SLFN5: variants seen among roughly 807,000 people sequenced by gnomAD.
SLFN5 encodes the protein schlafen family member 5.
SLFN5 carries 34 observed loss-of-function variants against 48.5 expected under a neutral mutation model. That is an observed-to-expected ratio of 0.70 (90% confidence interval 0.53 to 0.93). SLFN5 has a LOEUF of 0.93. Among genes scored for constraint, SLFN5 ranks in the 40% least tolerant of loss-of-function variants. The pLI is 0.00. For synonymous variants in SLFN5, 387 were observed against 396.2 expected (o/e 0.98, Z 0.28); for missense variants, 1,006 against 1,071.3 (o/e 0.94, Z 0.85).
rs1358137166 is a variant in SLFN5 at position 35,267,527 on chromosome 17, A to G, written c.*1639A>G. ...AGCAATATAGTGAGACCCTGTCTCT[A>G]CAAAAACAAACAAACAAACAAACAA... On this transcript the variant is annotated 3_prime_UTR_variant, in exon 5 of 5. Coordinates refer to ENST00000299977, the MANE Select transcript of SLFN5 (RefSeq NM_144975.4). 1 of 152,068 alleles carries G rather than the reference A, an allele frequency of 6.6e-6. No individual in the cohort carries two copies. Among genetic ancestry groups the G allele is most frequent in the Non-Finnish European group, 1.5e-5 (1 of 68,062 alleles). The allele number at this position is 152,068 out of a possible 1,614,324, so 9.4% of individuals were successfully genotyped here.
At chr17:35,246,331 G>A (rs1179104947) in intron 1 of SLFN5, among the ~76,000 whole-genome samples, 1 of 151,926 alleles carries the variant, frequency 6.6e-6, no homozygotes, top group Non-Finnish European at 1.5e-5. Flanking sequence ...GAGTACTTGT[G>A]CCTGACGTGC....
rs778216945 is a variant in SLFN5 at position 35,264,777 on chromosome 17, G to A, written c.1733G>A (p.Gly578Asp). ...AAGACCAGAGAGTTGTTTGTTCATG[G>A]CTTACCTGGATCAGGGAAGACTATC... Reference protein sequence around the residue: ...LRKTRELFVHGLPGSGKTILA... With the variant: ...LRKTRELFVHDLPGSGKTILA... The change falls in exon 4 of 5, where the codon GGC becomes GAC. Residue 578 changes from glycine to aspartate, a missense_variant. Coordinates refer to ENST00000299977, the MANE Select transcript of SLFN5 (RefSeq NM_144975.4). 8 of 1,597,482 alleles carry A rather than the reference G, an allele frequency of 5.0e-6. No homozygotes were observed. The highest frequency in any genetic ancestry group is 3.3e-4 in the Middle Eastern group (2 of 5,978).
At position 35,257,967 on chromosome 17, in the gene SLFN5, C is replaced by G. The variant is rs144301273; in HGVS notation, c.-40-684C>G. ...AAAGCTTTCTCATTGCTTTCCAGCT[C>G]CAGTCCACAAATATCAATGTAAAAT... On this transcript the variant is annotated intron_variant, in intron 1 of 4. Coordinates refer to ENST00000299977, the MANE Select transcript of SLFN5 (RefSeq NM_144975.4). 2.1e-3 allele frequency among the ~76,000 whole-genome samples: 318 copies of G among 152,354 alleles called. 1 individual carries two copies. The highest frequency in any genetic ancestry group is 7.5e-3 in the African/African-American group (313 of 41,582).
At chr17:35,244,596 A>G (rs1159292404) in intron 1 of SLFN5, among the ~76,000 whole-genome samples, 2 of 152,216 alleles carry the variant, frequency 1.3e-5, no homozygotes. Flanking sequence ...CAAGCAATTC[A>G]GTGTGATAAC....
In SLFN5 at chr17:35,267,740, C is replaced by CA. The variant is rs138000759; in HGVS notation, c.*1861dup. 5.1e-4 allele frequency: 76 copies of CA among 150,328 alleles called. No homozygotes were observed. The highest frequency in any genetic ancestry group is 6.6e-4 in the African/African-American group (27 of 40,978). The allele number at this position is 150,328 out of a possible 1,614,324, so 9.3% of individuals were successfully genotyped here. On this transcript the variant is annotated 3_prime_UTR_variant, in exon 5 of 5. Coordinates refer to ENST00000299977, the MANE Select transcript of SLFN5 (RefSeq NM_144975.4). ...GTCTCCAAAAATTAAATAAATAAAACAAAAAAAAAGAATTTAAAAGTTTTA... is the reference window on the plus strand; with the variant it reads ...GTCTCCAAAAATTAAATAAATAAAACAAAAAAAAAAGAATTTAAAAGTTTTA...
intron 1 of SLFN5, among the ~76,000 whole-genome samples, chr17:35,243,684 A>C (rs1310360214): frequency 6.6e-6 from 1 of 152,166 alleles, no homozygotes; most frequent in Non-Finnish European, 1.5e-5. Context: ...TATCCCCCAT[A>C]CAGTGACTAA....
chr17:35,248,939 A>T (rs777867767), intron 1 of SLFN5, among the ~76,000 whole-genome samples: 1 of 152,180 alleles, frequency 6.6e-6, no homozygotes, highest in Non-Finnish European at 1.5e-5. Flanking sequence ...CCCTCTTTCC[A>T]TAGTAAATCC....
chr17:35,271,194 T>G lies in SLFN5; in HGVS notation c.*5306T>G, dbSNP rs1336244367. The G allele has an allele frequency of 6.6e-6, 1 of 152,220 alleles. No homozygotes were observed. The highest frequency in any genetic ancestry group is 2.4e-5 in the African/African-American group (1 of 41,462). 9.4% of individuals were successfully genotyped at this position (152,220 alleles called of 1,614,324 possible). A position where few individuals can be genotyped will look rare whatever the true frequency, so the allele number is the denominator to read the frequency against. ...TTGGAACAAGTAGGAATAATGTACT[T>G]ATAGTATTCATCTTCATACAGGGAT... On this transcript the variant is annotated 3_prime_UTR_variant, in exon 5 of 5. Transcript: ENST00000299977.
chr17:35,260,904 G>C, intron 2 of SLFN5, 67 bp from the exon 3 acceptor site: 1 of 1,588,230 alleles, frequency 6.3e-7, no homozygotes, highest in Non-Finnish European at 8.6e-7. Context: ...AGACTTTGTA[G>C]CACAGCTCAG....
intron 1 of SLFN5, among the ~76,000 whole-genome samples, chr17:35,258,283 A>C (rs1020194136): frequency 3.3e-4 from 50 of 152,204 alleles, no homozygotes; most frequent in Non-Finnish European, 7.4e-5. Flanking sequence ...ATGGCTGGGG[A>C]GTCCTGACAA....
chr17:35,262,277 G>A (rs1251250744), intron 3 of SLFN5, among the ~76,000 whole-genome samples: 2 of 151,448 alleles, frequency 1.3e-5, no homozygotes. Context: ...CTCCTCGGGA[G>A]GCTGAGACAG....
chr17:35,251,187 C>A (rs2092441511), intron 1 of SLFN5, among the ~76,000 whole-genome samples: 1 of 152,284 alleles, frequency 6.6e-6, no homozygotes, highest in Non-Finnish European at 1.5e-5. Context: ...TGTAGAGAAG[C>A]CCTTGGGCCT....
rs917270646 is a variant in SLFN5 at position 35,264,659 on chromosome 17, G to T, written c.1615G>T (p.Gly539Trp). The T allele has an allele frequency of 6.2e-7, 1 of 1,613,936 alleles. No individual in the cohort carries two copies. Among genetic ancestry groups the T allele is most frequent in the African/African-American group, 1.3e-5 (1 of 75,008 alleles). ...LLQSLVIVLLGFKSFLSEELG... is the reference protein window; with the variant it reads ...LLQSLVIVLLWFKSFLSEELG... The stretch of plus-strand genomic sequence containing the variant: ...ACAGTCCCTCGTGATAGTCTTGCTT[G>T]GGTTCAAATCCTTCTTAAGTGAAGA... The change falls in exon 4 of 5, where the codon GGG (glycine) becomes TGG (tryptophan). Residue 539 changes from glycine (G) to tryptophan (W), a missense_variant. Physicochemically the swap from Gly to Trp is radical, Grantham distance 184 (BLOSUM62 -2). Transcript: ENST00000299977.
intron 1 of SLFN5, among the ~76,000 whole-genome samples, chr17:35,244,698 G>A (rs926330999): frequency 6.6e-6 from 1 of 152,106 alleles, no homozygotes; most frequent in Non-Finnish European, 1.5e-5. Context: ...GGCTGAGGCT[G>A]GTGGATCACG....
At position 35,264,895 on chromosome 17, in the gene SLFN5, G is replaced by A; in HGVS notation, c.1851G>A (p.Lys617=). The change falls in exon 4 of 5, where the codon AAG becomes AAA. Residue 617 remains lysine, a synonymous_variant. Transcript: ENST00000299977. The stretch of plus-strand genomic sequence containing the variant: ...TCTGTGAAAACCAGCCCCTGAAGAA[G>A]TTGGTGAGGTATGCTGCTTGTCTGT... ...LYICENQPLK[K]LVSFSKKNIC... 2 of 1,558,060 alleles carry A rather than the reference G, an allele frequency of 1.3e-6. No homozygotes were observed. The highest frequency in any genetic ancestry group is 1.7e-6 in the Non-Finnish European group (2 of 1,159,326).
chr17:35,244,833 C>T (rs533181354), intron 1 of SLFN5, among the ~76,000 whole-genome samples: 217 of 152,206 alleles, frequency 1.4e-3, no homozygotes, highest in African/African-American at 4.9e-3. Flanking sequence ...ATTCCAGCTA[C>T]TCGGAGCCTG....
chr17:35,266,175 T>TGTGTGTGTGC lies in SLFN5; in HGVS notation c.*290_*291insTGTGTGCGTG, dbSNP rs1904685068. On this transcript the variant is annotated 3_prime_UTR_variant, in exon 5 of 5. Coordinates refer to ENST00000299977, the MANE Select transcript of SLFN5 (RefSeq NM_144975.4). The stretch of plus-strand genomic sequence containing the variant: ...GTGTGTGTGTGTGTGTGTGTGTGTG[T>TGTGTGTGTGC]GTGCGCGCGCGCACGTGCACATGTG... 1 of 199,890 alleles carries TGTGTGTGTGC rather than the reference T, an allele frequency of 5.0e-6. No individual in the cohort carries two copies. The highest frequency in any genetic ancestry group is 3.0e-5 in the African/African-American group (1 of 33,558). The allele number at this position is 199,890 out of a possible 1,614,324, so 12.4% of individuals were successfully genotyped here.
chr17:35,253,617 C>T (rs922828006), intron 1 of SLFN5, among the ~76,000 whole-genome samples: 3 of 151,858 alleles, frequency 2.0e-5, no homozygotes, highest in Non-Finnish European at 2.9e-5. Context: ...TCAAGCAATC[C>T]TCCCACCTTG....
intron 1 of SLFN5, among the ~76,000 whole-genome samples, chr17:35,245,168 G>C (rs1262269009): frequency 6.6e-6 from 1 of 152,156 alleles, no homozygotes; most frequent in Admixed American, 6.5e-5. Flanking sequence ...CTTAAAGAAA[G>C]GCTTTTCTTT....
Sources: allele counts gnomAD v4.1 joint callset (sites outside exome capture counted in the v4.1 genomes callset), GRCh38; gene constraint gnomAD v4.1.1; transcripts MANE v1.5; gene names NCBI Gene and HGNC (gene_info 2026-07-23, HGNC 2026-07-21).